Variants in RTN4RL1 observed in about 807,000 individuals in gnomAD.
The protein encoded by RTN4RL1 is reticulon-4 receptor-like 1.
In RTN4RL1, 7 loss-of-function variants were observed where a neutral mutation model predicts 25.6. The ratio of observed to expected loss-of-function variants is 0.27; its 90% CI spans 0.16 to 0.51. The LOEUF is 0.51. Ranked by LOEUF, RTN4RL1 falls within the 20% of genes least tolerant of loss-of-function variation. RTN4RL1 has a pLI of 0.97. For missense variants in RTN4RL1, 500 were observed against 615.6 expected (o/e 0.81, Z 1.99); for synonymous variants, 297 against 288.2 (o/e 1.03, Z -0.31).
At chr17:1,965,237 G>A (rs1386232288) in intron 1 of RTN4RL1, among the ~76,000 whole-genome samples, 1 of 151,260 alleles carries the variant, frequency 6.6e-6, no homozygotes, top group Non-Finnish European at 1.5e-5. Flanking sequence ...AGCCTCCCAA[G>A]TAGCTGGGAT....
intron 1 of RTN4RL1, among the ~76,000 whole-genome samples, chr17:1,956,905 G>A (rs535240099): frequency 7.2e-5 from 11 of 152,036 alleles, no homozygotes; most frequent in African/African-American, 2.4e-4. Context: ...CACCACGCCC[G>A]GCTTTTGTAT....
At chr17:1,995,260 T>C (rs1283018069) in intron 1 of RTN4RL1, among the ~76,000 whole-genome samples, 1 of 152,082 alleles carries the variant, frequency 6.6e-6, no homozygotes, top group East Asian at 1.9e-4. Flanking sequence ...ACACCGTCTC[T>C]ACTAAAAATA....
At chr17:1,988,340 G>A (rs1170048734) in intron 1 of RTN4RL1, among the ~76,000 whole-genome samples, 1 of 146,436 alleles carries the variant, frequency 6.8e-6, no homozygotes, top group Non-Finnish European at 1.5e-5. Context: ...GGGAGGTGGA[G>A]ACTGCAGTGA....
In RTN4RL1 at chr17:1,994,035, C is replaced by T. The variant is rs2066919897; in HGVS notation, c.13+30818G>A. Reference sequence around the variant, plus strand: ...GAACTGGTAGAAAAACAAAGCCCCCCAGTCCCCACCCCCGGCTACGCTGAA... The same window carrying T: ...GAACTGGTAGAAAAACAAAGCCCCCTAGTCCCCACCCCCGGCTACGCTGAA... On this transcript the variant is annotated intron_variant, in intron 1 of 1. Transcript: ENST00000331238. The surrounding 1 kb of genome is among the most constrained non-coding windows in gnomAD (Gnocchi z 4.3). 6.6e-6 allele frequency among the ~76,000 whole-genome samples: 1 copy of T among 152,168 alleles called. No homozygotes were observed. Among genetic ancestry groups the T allele is most frequent in the South Asian group, 2.1e-4 (1 of 4,832 alleles).
intron 1 of RTN4RL1, among the ~76,000 whole-genome samples, chr17:2,011,110 G>A (rs544014725): frequency 6.6e-6 from 1 of 152,232 alleles, no homozygotes; most frequent in African/African-American, 2.4e-5. Context: ...AATTGGCCGG[G>A]CGTGATGGCG....
At chr17:1,945,789 TCTC>T (rs1185454621) in intron 1 of RTN4RL1, among the ~76,000 whole-genome samples, 1 of 152,180 alleles carries the variant, frequency 6.6e-6, no homozygotes, top group East Asian at 1.9e-4. Context: ...CCTGCTGTGT[TCTC>T]CGCAGTACCC....
In RTN4RL1 at chr17:1,936,211, C is replaced by T; in HGVS notation, c.*285G>A. ...GTCCCACTGTTGCCAGTGGAGGATG[C>T]ACTTGGAGTGCCTTTTCCCACCTTG... is the stretch of plus-strand genomic sequence containing the variant. On this transcript the variant is annotated 3_prime_UTR_variant, in exon 2 of 2. Coordinates refer to ENST00000331238, the MANE Select transcript of RTN4RL1 (RefSeq NM_178568.4). 2 of 1,256,608 alleles carry T rather than the reference C, an allele frequency of 1.6e-6. No individual in the cohort carries two copies. Among genetic ancestry groups the T allele is most frequent in the Non-Finnish European group, 2.0e-6 (2 of 1,000,198 alleles). 77.8% of individuals were successfully genotyped at this position (1,256,608 alleles called of 1,614,324 possible).
At chr17:1,980,258 A>C in intron 1 of RTN4RL1, among the ~76,000 whole-genome samples, 1 of 143,780 alleles carries the variant, frequency 7.0e-6, no homozygotes, top group Admixed American at 7.1e-5. Context: ...TTTAGTAGAG[A>C]CAGGACCTCA....
At chr17:1,945,579 G>A (rs1326624047) in intron 1 of RTN4RL1, among the ~76,000 whole-genome samples, 1 of 151,916 alleles carries the variant, frequency 6.6e-6, no homozygotes, top group African/African-American at 2.4e-5. Flanking sequence ...TCAAACTCCT[G>A]GCCTCAAGCA....
At chr17:1,952,893 A>G (rs1241191897) in intron 1 of RTN4RL1, among the ~76,000 whole-genome samples, 1 of 143,082 alleles carries the variant, frequency 7.0e-6, no homozygotes, top group Non-Finnish European at 1.5e-5. Context: ...CCTGGTCAAC[A>G]TGGTGAAACC....
Position 1,998,468 on chromosome 17 carries a change from G to A in RTN4RL1, c.13+26385C>T, listed in dbSNP as rs560472491. On this transcript the variant is annotated intron_variant, in intron 1 of 1. Transcript: ENST00000331238. This position sits in a 1 kb window ranked among gnomAD's most constrained non-coding sequence, Gnocchi z 4.9. ...GGCCGGGGATCTGCGCACCCCACGCGCCCCGCTCGGGTCGGGCCTCCCCTC... is the reference window on the plus strand; with the variant it reads ...GGCCGGGGATCTGCGCACCCCACGCACCCCGCTCGGGTCGGGCCTCCCCTC... Among the ~76,000 whole-genome samples, 2 of 152,062 alleles carry A rather than the reference G, an allele frequency of 1.3e-5. No homozygotes were observed. Among genetic ancestry groups the A allele is most frequent in the East Asian group, 1.9e-4 (1 of 5,158 alleles).
At chr17:1,947,310 T>C (rs1915577848) in intron 1 of RTN4RL1, among the ~76,000 whole-genome samples, 2 of 152,188 alleles carry the variant, frequency 1.3e-5, no homozygotes, top group Admixed American at 1.3e-4. Flanking sequence ...TGTGTGCAAA[T>C]ACACAGGTAT....
rs1292354707 is a variant in RTN4RL1 at position 1,994,535 on chromosome 17, C to T, written c.13+30318G>A. 1.3e-5 allele frequency among the ~76,000 whole-genome samples: 2 copies of T among 152,196 alleles called. No homozygotes were observed. The highest frequency in any genetic ancestry group is 2.9e-5 in the Non-Finnish European group (2 of 68,034). On this transcript the variant is annotated intron_variant, in intron 1 of 1. Transcript: ENST00000331238. The surrounding 1 kb of genome is among the most constrained non-coding windows in gnomAD (Gnocchi z 4.3). ...GCTCCATCCCCTTCCCACCAGCTTG[C>T]GAGCTTATCAAACCCACAATTTGGG...
rs375917672 is a variant in RTN4RL1 at position 2,002,582 on chromosome 17, G to A, written c.13+22271C>T. ...GCTGGGATTACAGGCGTGAGCCACC[G>A]CGCCCGGCCTGTCTTTCTTTATTTC... On this transcript the variant is annotated intron_variant, in intron 1 of 1. Coordinates refer to ENST00000331238, the MANE Select transcript of RTN4RL1 (RefSeq NM_178568.4). Among the ~76,000 whole-genome samples, 554 of 151,296 alleles carry A rather than the reference G, an allele frequency of 3.7e-3. 4 individuals carry two copies. The highest frequency in any genetic ancestry group is 0.013 in the African/African-American group (525 of 40,886).
At chr17:2,006,805 T>C (rs2066999519) in intron 1 of RTN4RL1, among the ~76,000 whole-genome samples, 1 of 152,146 alleles carries the variant, frequency 6.6e-6, no homozygotes, top group Non-Finnish European at 1.5e-5. Flanking sequence ...ATTTATTTTT[T>C]TTAGTAGAGA....
intron 1 of RTN4RL1, among the ~76,000 whole-genome samples, chr17:1,947,668 C>A (rs1915584554): frequency 1.3e-5 from 2 of 152,228 alleles, no homozygotes; most frequent in Non-Finnish European, 2.9e-5. Context: ...ATTAGGCCGC[C>A]ACATTCTCAG....
At chr17:1,971,579 C>T (rs2066818896) in intron 1 of RTN4RL1, among the ~76,000 whole-genome samples, 2 of 152,032 alleles carry the variant, frequency 1.3e-5, no homozygotes, top group South Asian at 4.2e-4. Context: ...CCTGTAATCC[C>T]AGCACGTCGG....
At chr17:2,004,650 C>T (rs1279290418) in intron 1 of RTN4RL1, among the ~76,000 whole-genome samples, 1 of 152,222 alleles carries the variant, frequency 6.6e-6, no homozygotes, top group Non-Finnish European at 1.5e-5. Context: ...CCTGCACCGC[C>T]TTAGGGGACT....
Position 1,936,642 on chromosome 17 carries a change from G to A in RTN4RL1, c.1180C>T (p.Pro394Ser). ...CCCTTCCTCTTGGGCCGGGCCGTAG[G>A]CATGATGTCAAAACTGAACTTGTGC... Reference protein sequence around the residue: ...YQHKFSFDIMPTARPKRKGKC... With the variant: ...YQHKFSFDIMSTARPKRKGKC... Residue 394 changes from proline (P) to serine (S), a missense_variant, in exon 2 of 2, where the codon CCT (proline) becomes TCT (serine). Physicochemically the swap from Pro to Ser is moderately conservative, Grantham distance 74 (BLOSUM62 -1). Coordinates refer to ENST00000331238, the MANE Select transcript of RTN4RL1 (RefSeq NM_178568.4). The A allele has an allele frequency of 6.3e-7, 1 of 1,595,512 alleles. No homozygotes were observed. Among genetic ancestry groups the A allele is most frequent in the South Asian group, 1.1e-5 (1 of 88,234 alleles).
Sources: gnomAD v4.1 joint callset for allele counts (sites outside exome capture counted in the v4.1 genomes callset) on GRCh38, gnomAD v4.1.1 for gene constraint, Gnocchi (gnomAD v3.1) non-coding constraint, MANE v1.5 for transcripts, NCBI Gene and HGNC (gene_info 2026-07-23, HGNC 2026-07-21) for gene names.